Variants in CTNNA3 observed in about 807,000 individuals in gnomAD.
CTNNA3 encodes catenin alpha-3.
In CTNNA3, 76 loss-of-function variants were observed where a neutral mutation model predicts 95.7. The ratio of observed to expected loss-of-function variants is 0.79; its 90% confidence interval spans 0.66 to 0.96. CTNNA3 has a LOEUF of 0.96. CTNNA3 is among the 40% of genes least tolerant of loss of function. The pLI, the probability that CTNNA3 is intolerant of heterozygous loss-of-function variation, is 0.00. For missense variants in CTNNA3, 1,191 were observed against 1,089.8 expected, an observed-to-expected ratio of 1.09 and a Z score of -1.31; for synonymous variants, 431 against 374.4, an observed-to-expected ratio of 1.15 and a Z score of -1.74.
chr10:66,375,897 T>G (rs1240592921), intron 12 of CTNNA3, among the ~76,000 whole-genome samples: 1 of 152,198 alleles, frequency 6.6e-6, no homozygotes, highest in Non-Finnish European at 1.5e-5. Flanking sequence ...GGATACACAC[T>G]TTCCAGTCTC....
At chr10:66,522,974 G>A (rs1331581791) in intron 10 of CTNNA3, among the ~76,000 whole-genome samples, 4 of 151,974 alleles carry the variant, frequency 2.6e-5, no homozygotes, top group African/African-American at 9.7e-5. Flanking sequence ...GGTAGAAGAC[G>A]GAAAAAATTA....
intron 7 of CTNNA3, among the ~76,000 whole-genome samples, chr10:67,064,969 C>G (rs1261425961): frequency 6.6e-6 from 1 of 152,110 alleles, no homozygotes; most frequent in Non-Finnish European, 1.5e-5. Context: ...CCAGACCCTC[C>G]TTGGAGTTAT....
chr10:67,348,425 G>C (rs1012455194), intron 5 of CTNNA3, among the ~76,000 whole-genome samples: 1 of 152,130 alleles, frequency 6.6e-6, no homozygotes, highest in Non-Finnish European at 1.5e-5. Context: ...TTGCCATAAA[G>C]GAATACCTGA....
intron 11 of CTNNA3, among the ~76,000 whole-genome samples, chr10:66,380,629 A>ATC (rs1564912754): frequency 9.3e-4 from 81 of 86,770 alleles, no homozygotes; most frequent in Non-Finnish European, 1.2e-3. Flanking sequence ...ATCTATCTAT[A>ATC]TATATATATA....
At chr10:67,306,613 G>GA (rs1840562280) in intron 5 of CTNNA3, among the ~76,000 whole-genome samples, 1 of 152,054 alleles carries the variant, frequency 6.6e-6, no homozygotes, top group African/African-American at 2.4e-5. Context: ...TGAGTGGCCG[G>GA]AAAAAGAGGA....
intron 7 of CTNNA3, among the ~76,000 whole-genome samples, chr10:67,068,185 G>C (rs957473237): frequency 3.3e-5 from 5 of 152,122 alleles, no homozygotes; most frequent in African/African-American, 1.2e-4. Flanking sequence ...AGGGGGGAAG[G>C]ATATATAATA....
At chr10:67,757,265 G>A (rs1413353086) in intron 1 of CTNNA3, among the ~76,000 whole-genome samples, 1 of 152,178 alleles carries the variant, frequency 6.6e-6, no homozygotes, top group Non-Finnish European at 1.5e-5. Flanking sequence ...TGTATTTAAA[G>A]GCATGGGCAT....
At chr10:66,768,742 T>C (rs990073965) in intron 8 of CTNNA3, among the ~76,000 whole-genome samples, 2 of 151,120 alleles carry the variant, frequency 1.3e-5, no homozygotes, top group Non-Finnish European at 2.9e-5. Flanking sequence ...ATTACAATAA[T>C]ACATTAAACA....
chr10:66,382,574 T>A (rs949201844), intron 11 of CTNNA3, among the ~76,000 whole-genome samples: 2 of 152,136 alleles, frequency 1.3e-5, no homozygotes, highest in African/African-American at 4.8e-5. Flanking sequence ...AAGAGAGCAG[T>A]GGTTCTCGTT....
At chr10:66,190,409 C>G (rs1229970359) in intron 13 of CTNNA3, among the ~76,000 whole-genome samples, 1 of 152,214 alleles carries the variant, frequency 6.6e-6, no homozygotes, top group East Asian at 1.9e-4. Context: ...GAAGAGTAGT[C>G]TTTTAGACCT....
At chr10:67,184,291 C>A (rs1005240403) in intron 6 of CTNNA3, among the ~76,000 whole-genome samples, 1 of 152,226 alleles carries the variant, frequency 6.6e-6, no homozygotes, top group African/African-American at 2.4e-5. Flanking sequence ...TTACTTCCAA[C>A]TCTTGGTAGC....
intron 12 of CTNNA3, among the ~76,000 whole-genome samples, chr10:66,335,871 G>C (rs1390147243): frequency 1.3e-5 from 2 of 152,068 alleles, no homozygotes; most frequent in African/African-American, 4.8e-5. Context: ...GCTGTGGTGG[G>C]CTCCACCCAG....
intron 5 of CTNNA3, among the ~76,000 whole-genome samples, chr10:67,436,667 T>C (rs533456024): frequency 4.0e-5 from 6 of 151,768 alleles, no homozygotes; most frequent in South Asian, 2.1e-4. Flanking sequence ...GCTAAAGACA[T>C]GAAAAGACAA....
At chr10:67,135,313 C>A (rs567015626) in intron 7 of CTNNA3, among the ~76,000 whole-genome samples, 6 of 152,056 alleles carry the variant, frequency 3.9e-5, no homozygotes, top group Non-Finnish European at 7.4e-5. Flanking sequence ...TGAGCATAAT[C>A]CCCGCTTCAC....
chr10:67,324,902 C>T lies in CTNNA3; in HGVS notation c.580-105032G>A, dbSNP rs535655514. 1.8e-4 allele frequency among the ~76,000 whole-genome samples: 28 copies of T among 151,994 alleles called. No individual in the cohort carries two copies. In the South Asian group the frequency reaches 1.9e-3, roughly 10 times the overall value. ...TTTTTGATTGATAGGCTATTTATTA[C>T]GGCTCAATTTCAGAACTCATTATTG... On this transcript the variant is annotated intron_variant, in intron 5 of 17. Transcript: ENST00000433211.
At chr10:66,821,575 T>G (rs1295667959) in intron 7 of CTNNA3, among the ~76,000 whole-genome samples, 1 of 152,178 alleles carries the variant, frequency 6.6e-6, no homozygotes, top group Admixed American at 6.5e-5. Flanking sequence ...TGATCTTTAT[T>G]ACATACAAAA....
intron 12 of CTNNA3, among the ~76,000 whole-genome samples, chr10:66,366,401 C>A (rs1223278541): frequency 6.6e-6 from 1 of 152,174 alleles, no homozygotes; most frequent in East Asian, 1.9e-4. Flanking sequence ...CTATTGTCTA[C>A]ATATGTGTTC....
intron 7 of CTNNA3, among the ~76,000 whole-genome samples, chr10:67,129,634 G>A (rs1160439864): frequency 1.3e-5 from 2 of 151,992 alleles, no homozygotes; most frequent in African/African-American, 4.8e-5. Flanking sequence ...ACAATCAAAC[G>A]AGCACTTGTT....
At chr10:66,632,288 T>G (rs1047545250) in intron 9 of CTNNA3, among the ~76,000 whole-genome samples, 2 of 152,112 alleles carry the variant, frequency 1.3e-5, no homozygotes, top group Admixed American at 1.3e-4. Context: ...GTACGGTGGC[T>G]CACGTCTGTA....
Sources: allele counts gnomAD v4.1 joint callset (sites outside exome capture counted in the v4.1 genomes callset), GRCh38; gene constraint gnomAD v4.1.1; transcripts MANE v1.5; gene names NCBI Gene and HGNC (gene_info 2026-07-23, HGNC 2026-07-21).